KCNT2: variants seen among roughly 807,000 people sequenced by gnomAD.
The protein encoded by KCNT2 is potassium channel subfamily T member 2.
A neutral mutation model predicts 153.8 loss-of-function variants in KCNT2; 67 were observed. The ratio of observed to expected loss-of-function variants is 0.44; its 90% CI spans 0.36 to 0.53. The LOEUF (loss-of-function observed/expected upper bound fraction) is 0.53. KCNT2 is among the 20% of genes least tolerant of loss of function. KCNT2 has a pLI of 0.00. For synonymous variants in KCNT2, 500 were observed against 458.8 expected (o/e 1.09, Z -1.15); for missense variants, 975 against 1,354.8 (o/e 0.72, Z 4.40).
At chr1:196,436,742 G>A (rs1445742528) in intron 8 of KCNT2, among the ~76,000 whole-genome samples, 1 of 150,806 alleles carries the variant, frequency 6.6e-6, no homozygotes, top group Non-Finnish European at 1.5e-5. Context: ...GAGATTTTCT[G>A]ATAAATTAAA....
At chr1:196,397,790 C>T (rs888717506) in intron 13 of KCNT2, among the ~76,000 whole-genome samples, 4 of 151,294 alleles carry the variant, frequency 2.6e-5, no homozygotes, top group Non-Finnish European at 4.4e-5. Flanking sequence ...GAAGGAAATA[C>T]GTTTTGCTGA....
Position 196,409,416 on chromosome 1 carries a change from T to C in KCNT2, c.1186-10745A>G, listed in dbSNP as rs572052142. Among the ~76,000 whole-genome samples the C allele has an allele frequency of 1.7e-3, 262 of 151,690 alleles. 2 individuals are homozygous for C. Among genetic ancestry groups the C allele is most frequent in the Middle Eastern group, 0.01 (3 of 294 alleles). On this transcript the variant is annotated intron_variant, in intron 12 of 27. Coordinates refer to ENST00000294725, the MANE Select transcript of KCNT2 (RefSeq NM_198503.5). ...ATACATAAAGAATCTCACTGCAGTA[T>C]ATTTTGTTTTTTTCAGTCATTATGC...
chr1:196,366,055 T>A (rs565634484), intron 14 of KCNT2, among the ~76,000 whole-genome samples: 1 of 152,308 alleles, frequency 6.6e-6, no homozygotes, highest in Admixed American at 6.5e-5. Flanking sequence ...AGACGCTACA[T>A]GACCTGGCCC....
intron 1 of KCNT2, among the ~76,000 whole-genome samples, chr1:196,581,201 TG>T (rs1462563082): frequency 1.3e-5 from 2 of 152,232 alleles, no homozygotes; most frequent in African/African-American, 4.8e-5. Context: ...TGCTAATCTG[TG>T]GCAAGAAAAT....
At chr1:196,244,874 G>T (rs1655284276) in intron 26 of KCNT2, among the ~76,000 whole-genome samples, 1 of 152,072 alleles carries the variant, frequency 6.6e-6, no homozygotes, top group South Asian at 2.1e-4. Context: ...GCCAGGCAGT[G>T]GTTACCACAA....
chr1:196,353,402 A>G (rs1387165092), intron 14 of KCNT2, among the ~76,000 whole-genome samples: 2 of 151,924 alleles, frequency 1.3e-5, no homozygotes, highest in Non-Finnish European at 2.9e-5. Context: ...ATTAGCAAAT[A>G]AAATACTTGA....
At chr1:196,455,576 A>G (rs1676592714) in intron 8 of KCNT2, among the ~76,000 whole-genome samples, 1 of 151,928 alleles carries the variant, frequency 6.6e-6, no homozygotes. Flanking sequence ...CTCTCTTATG[A>G]ACATCTATAG....
chr1:196,269,597 T>A (rs1657876200), intron 25 of KCNT2, among the ~76,000 whole-genome samples: 1 of 152,136 alleles, frequency 6.6e-6, no homozygotes, highest in Admixed American at 6.6e-5. Flanking sequence ...GGAAGAAGTC[T>A]TTTTCTTGGA....
intron 1 of KCNT2, among the ~76,000 whole-genome samples, chr1:196,534,700 A>G (rs1228241897): frequency 1.3e-5 from 2 of 152,208 alleles, no homozygotes; most frequent in African/African-American, 4.8e-5. Flanking sequence ...AAGTAAATTC[A>G]AAAACTGTGA....
chr1:196,324,000 G>C (rs1358624651), intron 19 of KCNT2, among the ~76,000 whole-genome samples: 1 of 151,268 alleles, frequency 6.6e-6, no homozygotes, highest in Non-Finnish European at 1.5e-5. Context: ...AAACTTCCTG[G>C]ACATTGTTAA....
At chr1:196,532,242 T>C (rs1303397606) in intron 1 of KCNT2, among the ~76,000 whole-genome samples, 1 of 152,052 alleles carries the variant, frequency 6.6e-6, no homozygotes, top group Admixed American at 6.6e-5. Flanking sequence ...AACAATTCAT[T>C]CTGATTCTGA....
chr1:196,381,306 T>C (rs1429511787), intron 13 of KCNT2, among the ~76,000 whole-genome samples: 3 of 152,048 alleles, frequency 2.0e-5, no homozygotes, highest in African/African-American at 7.2e-5. Flanking sequence ...TACATAGCAG[T>C]CTTAATATTT....
intron 12 of KCNT2, among the ~76,000 whole-genome samples, chr1:196,405,054 GA>G (rs1364232560): frequency 1.3e-5 from 2 of 151,086 alleles, no homozygotes; most frequent in African/African-American, 4.9e-5. Flanking sequence ...ATTAAGTGAG[GA>G]AAAAGGAAAA....
At chr1:196,273,527 A>AGTTTAGTCATT in intron 25 of KCNT2, 1 of 1,484,950 alleles carries the variant, frequency 6.7e-7, no homozygotes, top group Non-Finnish European at 9.1e-7. Context: ...CACAAAACAC[A>AGTTTAGTCATT]GTTTAAACAA....
rs1466498779 is a variant in KCNT2, at chr1:196,342,138, T to G, written c.1494A>C (p.Thr498=). The G allele has an allele frequency of 6.2e-7, 1 of 1,611,222 alleles. No individual in the cohort carries two copies. The highest frequency in any genetic ancestry group is 8.5e-7 in the Non-Finnish European group (1 of 1,178,696). ...EVYHIVLEES[T]FFAEYEGKSF... ...TCTTTCCTTCATATTCAGCAAAAAA[T>G]GTACTTTCTTCCAAAACAATGTGGT... Residue 498 remains threonine, a synonymous_variant, in exon 15 of 28, where the codon ACA becomes ACC. Coordinates refer to ENST00000294725, the MANE Select transcript of KCNT2 (RefSeq NM_198503.5).
In KCNT2 at chr1:196,469,087, T is replaced by G. The variant is rs369916794; in HGVS notation, c.385-19A>C. The G allele has an allele frequency of 7.3e-6, 11 of 1,512,714 alleles. No individual in the cohort carries two copies. The highest frequency in any genetic ancestry group is 1.0e-5 in the Non-Finnish European group (11 of 1,097,262). 93.7% of individuals were successfully genotyped at this position (1,512,714 alleles called of 1,614,324 possible). ...TGTTTCCCTTCCAAGAAAGAATGAATAAAAACGAAAGTCAATTATACTGCC... is the reference window on the plus strand; with the variant it reads ...TGTTTCCCTTCCAAGAAAGAATGAAGAAAAACGAAAGTCAATTATACTGCC... On this transcript the variant is annotated intron_variant, in intron 5 of 27. Coordinates refer to ENST00000294725, the MANE Select transcript of KCNT2 (RefSeq NM_198503.5).
chr1:196,267,091 C>T (rs1037599118), intron 25 of KCNT2, among the ~76,000 whole-genome samples: 2 of 152,190 alleles, frequency 1.3e-5, no homozygotes, highest in African/African-American at 2.4e-5. Context: ...ACATAGAATA[C>T]TTAAACAGTC....
intron 17 of KCNT2, 34 bp downstream of exon 17, chr1:196,333,813 C>A: frequency 1.5e-6 from 2 of 1,322,952 alleles, no homozygotes; most frequent in South Asian, 2.4e-5. Flanking sequence ...GCACAAAACC[C>A]AGTAATCTTA....
intron 27 of KCNT2, among the ~76,000 whole-genome samples, chr1:196,233,127 T>G (rs899489438): frequency 2.6e-5 from 4 of 151,420 alleles, no homozygotes; most frequent in African/African-American, 4.8e-5. Context: ...GATGAGTAAT[T>G]AAAATCCAAG....
Sources: allele counts gnomAD v4.1 joint callset (sites outside exome capture counted in the v4.1 genomes callset), GRCh38; gene constraint gnomAD v4.1.1; transcripts MANE v1.5; gene names NCBI Gene and HGNC (gene_info 2026-07-23, HGNC 2026-07-21).